Variants in FBXO34 observed in about 807,000 individuals in gnomAD.
FBXO34 encodes the protein F-box only protein 34.
FBXO34 carries 12 observed loss-of-function variants against 24.5 expected under a neutral mutation model. The observed-to-expected ratio is 0.49, with a 90% CI of 0.31 to 0.79. The LOEUF is 0.79. FBXO34 is among the 30% of genes least tolerant of loss of function. The pLI is 0.04. For missense variants in FBXO34, 823 were observed against 857.7 expected (o/e 0.96, Z 0.51); for synonymous variants, 320 against 311.9 (o/e 1.03, Z -0.27).
chr14:55,284,753 C>T (rs918203350), intron 1 of FBXO34, among the ~76,000 whole-genome samples: 2 of 149,072 alleles, frequency 1.3e-5, no homozygotes, highest in African/African-American at 4.9e-5. Flanking sequence ...GTAGATGGGA[C>T]TACAGGCATG....
intron 1 of FBXO34, among the ~76,000 whole-genome samples, chr14:55,317,159 T>C (rs1264076616): frequency 6.6e-6 from 1 of 151,982 alleles, no homozygotes; most frequent in Non-Finnish European, 1.5e-5. Flanking sequence ...TGGGAAGGGG[T>C]AGAGTGGGCT....
chr14:55,347,128 C>T (rs1410791145), intron 1 of FBXO34, among the ~76,000 whole-genome samples: 2 of 152,166 alleles, frequency 1.3e-5, no homozygotes, highest in East Asian at 3.9e-4. Context: ...TATAAACCTG[C>T]ATTTTACTTT....
At chr14:55,294,298 A>G (rs1882048025) in intron 1 of FBXO34, among the ~76,000 whole-genome samples, 1 of 136,528 alleles carries the variant, frequency 7.3e-6, no homozygotes, top group East Asian at 2.2e-4. Flanking sequence ...TCAAAAAATT[A>G]TTATTATTTT....
At chr14:55,369,716 G>A (rs140061696), downstream of FBXO34, 302 of 1,611,756 alleles carry the variant, frequency 1.9e-4, no homozygotes, top group African/African-American at 3.5e-3. Context: ...GGGTGGGGAC[G>A]CCTGGGTGCT....
chr14:55,410,546 A>T, the FBXO34 span, among the ~76,000 whole-genome samples: 1 of 152,248 alleles, frequency 6.6e-6, no homozygotes, highest in Non-Finnish European at 1.5e-5. Flanking sequence ...TCCTCAAAAG[A>T]GAAAGGAAAG....
At chr14:55,298,533 C>T (rs1224872391) in intron 1 of FBXO34, 3 of 615,850 alleles carry the variant, frequency 4.9e-6, no homozygotes. Context: ...CTACATTTGA[C>T]CTACTTCTTG....
chr14:55,350,604 A>C lies in FBXO34; in HGVS notation c.214A>C (p.Ser72Arg). 6.2e-7 allele frequency: 1 copy of C among 1,612,760 alleles called. No individual in the cohort carries two copies. The highest frequency in any genetic ancestry group is 8.5e-7 in the Non-Finnish European group (1 of 1,179,584). Residue 72 changes from serine to arginine, a missense_variant, in exon 2 of 2, where the codon AGT becomes CGT. Coordinates refer to ENST00000313833, the MANE Select transcript of FBXO34 (RefSeq NM_017943.4). ...GATCCTTTCTCCAAATGTTCTGTGCAGTATGAGTGGGAAGAGTCCTGTAGA... is the reference window on the plus strand; with the variant it reads ...GATCCTTTCTCCAAATGTTCTGTGCCGTATGAGTGGGAAGAGTCCTGTAGA... ...FGILSPNVLC[S>R]MSGKSPVESS...
chr14:55,296,382 GTTTTTTTTGTTTTTTTT>G (rs943505249), intron 1 of FBXO34, among the ~76,000 whole-genome samples: 13 of 95,824 alleles, frequency 1.4e-4, no homozygotes, highest in South Asian at 3.4e-4. Flanking sequence ...CTGTTCTTGT[GTTTTTTTTGTTTTTTTT>G]TTTTTTTTTT....
downstream of FBXO34, among the ~76,000 whole-genome samples, chr14:55,371,529 G>T (rs1046609730): frequency 6.6e-6 from 1 of 151,392 alleles, no homozygotes; most frequent in Non-Finnish European, 1.5e-5. Flanking sequence ...CCCTCAGGCC[G>T]GGCGCGGTGG....
downstream of FBXO34, chr14:55,354,996 C>T (rs761592666): frequency 6.6e-6 from 1 of 152,234 alleles, no homozygotes; most frequent in Non-Finnish European, 1.5e-5. Flanking sequence ...AAACCTCCCC[C>T]CTCAGCTTTT....
At chr14:55,409,875 G>A in the FBXO34 span, among the ~76,000 whole-genome samples, 2 of 152,186 alleles carry the variant, frequency 1.3e-5, no homozygotes, top group Admixed American at 1.3e-4. Context: ...GTACAAAAGG[G>A]GAGCAAGGAC....
chr14:55,302,453 GT>G (rs796083398), intron 1 of FBXO34, among the ~76,000 whole-genome samples: 22,260 of 133,264 alleles, frequency 0.17, 4,740 homozygotes, highest in African/African-American at 0.51. Flanking sequence ...CCTCTTTTTT[GT>G]TTTTTTTTTT....
chr14:55,344,487 C>T (rs768338105), intron 1 of FBXO34, among the ~76,000 whole-genome samples: 1 of 151,920 alleles, frequency 6.6e-6, no homozygotes, highest in Non-Finnish European at 1.5e-5. Context: ...GTCATTTCGC[C>T]TCCTGGATAT....
At chr14:55,359,487 A>G (rs1387996267) in intron 3 of FBXO34, among the ~76,000 whole-genome samples, 1 of 152,244 alleles carries the variant, frequency 6.6e-6, no homozygotes, top group Non-Finnish European at 1.5e-5. Flanking sequence ...AACAATGTAC[A>G]TTAAGGAATG....
At chr14:55,344,694 C>G (rs1884101919) in intron 1 of FBXO34, among the ~76,000 whole-genome samples, 1 of 151,996 alleles carries the variant, frequency 6.6e-6, no homozygotes, top group African/African-American at 2.4e-5. Context: ...GGTATTTGTC[C>G]TAATGCTCTC....
At chr14:55,395,339 T>C in the FBXO34 span, 1 of 226,390 alleles carries the variant, frequency 4.4e-6, no homozygotes, top group Non-Finnish European at 8.9e-6. Context: ...CCCAAACTCT[T>C]TAATTGTTAA....
chr14:55,289,450 T>C (rs1881869790), intron 1 of FBXO34, among the ~76,000 whole-genome samples: 1 of 152,224 alleles, frequency 6.6e-6, no homozygotes, highest in Non-Finnish European at 1.5e-5. Flanking sequence ...GGGCACACTT[T>C]ACCCCTCTCT....
chr14:55,429,113 C>T, the FBXO34 span: 1 of 1,038,816 alleles, frequency 9.6e-7, no homozygotes, highest in Non-Finnish European at 1.4e-6. Flanking sequence ...GTGAGGAGGA[C>T]TTACTTCCCA....
At chr14:55,381,928 A>T in the FBXO34 span, 2 of 1,556,498 alleles carry the variant, frequency 1.3e-6, no homozygotes, top group Non-Finnish European at 1.8e-6. Flanking sequence ...AACTCTCTCT[A>T]TATATAGATT....
Sources: gnomAD v4.1 joint callset for allele counts (sites outside exome capture counted in the v4.1 genomes callset) on GRCh38, gnomAD v4.1.1 for gene constraint, MANE v1.5 for transcripts, NCBI Gene and HGNC (gene_info 2026-07-23, HGNC 2026-07-21) for gene names.